PRDM10: variants seen among roughly 807,000 people sequenced by gnomAD.
PRDM10 encodes PR/SET domain 10.
In PRDM10, 65 loss-of-function variants were observed where a neutral mutation model predicts 133.1. The observed-to-expected ratio is 0.49, with a 90% confidence interval of 0.40 to 0.60. The LOEUF is 0.60. Ranked by LOEUF, PRDM10 falls within the 20% of genes least tolerant of loss-of-function variation. PRDM10 has a pLI of 0.00. For missense variants in PRDM10, 1,137 were observed against 1,507.1 expected, an observed-to-expected ratio of 0.75 and a Z score of 4.07; for synonymous variants, 582 against 580.4, an observed-to-expected ratio of 1.00 and a Z score of -0.04.
intron 11 of PRDM10, among the ~76,000 whole-genome samples, chr11:129,925,604 C>T (rs1428425130): frequency 1.3e-5 from 2 of 152,128 alleles, no homozygotes; most frequent in Non-Finnish European, 2.9e-5. Flanking sequence ...GGTTAAGTCA[C>T]ACATGCAGGA....
chr11:129,905,027 G>A, intron 20 of PRDM10, among the ~76,000 whole-genome samples: 1 of 152,100 alleles, frequency 6.6e-6, no homozygotes, highest in East Asian at 1.9e-4. Context: ...CCAGTTGAGG[G>A]CCAATTGTCT....
At chr11:129,905,422 A>T (rs1357989952) in intron 20 of PRDM10, among the ~76,000 whole-genome samples, 1 of 151,610 alleles carries the variant, frequency 6.6e-6, no homozygotes, top group African/African-American at 2.4e-5. Flanking sequence ...ACAGTTATTA[A>T]TTGAACAGAT....
chr11:129,921,033 G>T (rs1227250212), intron 13 of PRDM10, among the ~76,000 whole-genome samples: 2 of 152,136 alleles, frequency 1.3e-5, no homozygotes, highest in African/African-American at 2.4e-5. Context: ...CCAACCTCAG[G>T]TGATCTGCCC....
intron 19 of PRDM10, 34 bp downstream of exon 19, chr11:129,910,442 C>T: frequency 6.2e-7 from 1 of 1,612,528 alleles, no homozygotes; most frequent in Non-Finnish European, 8.5e-7. Context: ...ATCCCCCACC[C>T]CTGACCGACA....
rs917436627 is a variant in PRDM10 at position 129,960,818 on chromosome 11, G to C, written c.69+78C>G. ...AACGACTAGTCACTACTAGATAGCAGCTGTATTTCTTTGCTGTCAGCAAAC... is the reference window on the plus strand; with the variant it reads ...AACGACTAGTCACTACTAGATAGCACCTGTATTTCTTTGCTGTCAGCAAAC... On this transcript the variant is annotated intron_variant, in intron 2 of 20. Transcript: ENST00000360871. 35 of 1,439,702 alleles carry C rather than the reference G, an allele frequency of 2.4e-5. No individual in the cohort carries two copies. In the Admixed American group the frequency reaches 5.7e-4, roughly 24 times the overall value. 89.2% of individuals were successfully genotyped at this position (1,439,702 alleles called of 1,614,324 possible). A position where few individuals can be genotyped will look rare whatever the true frequency, so the allele number is the denominator to read the frequency against.
At chr11:129,983,484 G>A (rs1156835224) in intron 1 of PRDM10, among the ~76,000 whole-genome samples, 3 of 151,970 alleles carry the variant, frequency 2.0e-5, no homozygotes, top group African/African-American at 7.3e-5. Flanking sequence ...ATTTTTAGTA[G>A]AGACAGGGTT....
chr11:129,946,108 G>A (rs1429527728), intron 5 of PRDM10, among the ~76,000 whole-genome samples: 1 of 151,956 alleles, frequency 6.6e-6, no homozygotes, highest in African/African-American at 2.4e-5. Context: ...GCTGGGCGTG[G>A]TGGTGCACAT....
At chr11:129,964,230 G>A (rs1331736802) in intron 1 of PRDM10, among the ~76,000 whole-genome samples, 1 of 152,116 alleles carries the variant, frequency 6.6e-6, no homozygotes, top group Admixed American at 6.5e-5. Context: ...TACAGCCCAT[G>A]CCCTCACAAA....
intron 7 of PRDM10, 124 bp downstream of exon 7, chr11:129,942,302 C>G (rs891768029): frequency 1.3e-4 from 115 of 865,760 alleles, no homozygotes; most frequent in Non-Finnish European, 1.9e-4. Flanking sequence ...ATGTGAATAA[C>G]CAGAAAATGA....
intron 1 of PRDM10, among the ~76,000 whole-genome samples, chr11:129,992,126 G>A (rs771470483): frequency 3.9e-5 from 6 of 152,160 alleles, no homozygotes; most frequent in Non-Finnish European, 8.8e-5. Flanking sequence ...CCTACAACAT[G>A]TTAGCTTCAT....
chr11:129,969,599 G>T (rs1021840896), intron 1 of PRDM10, among the ~76,000 whole-genome samples: 13 of 149,614 alleles, frequency 8.7e-5, no homozygotes, highest in Non-Finnish European at 1.3e-4. Context: ...TTCGAGACCA[G>T]CCTGGCCAAC....
chr11:129,978,401 CTA>C (rs1937907995), intron 1 of PRDM10, among the ~76,000 whole-genome samples: 1 of 152,184 alleles, frequency 6.6e-6, no homozygotes, highest in South Asian at 2.1e-4. Flanking sequence ...TGAGACTGAG[CTA>C]TGTGTTACAG....
At chr11:129,934,105 G>A (rs1950954891) in intron 9 of PRDM10, among the ~76,000 whole-genome samples, 1 of 152,144 alleles carries the variant, frequency 6.6e-6, no homozygotes, top group Admixed American at 6.6e-5. Flanking sequence ...CCATCCCATG[G>A]CTGCTCTGTT....
intron 1 of PRDM10, among the ~76,000 whole-genome samples, chr11:129,987,742 T>C (rs1218733903): frequency 6.6e-6 from 1 of 152,256 alleles, no homozygotes; most frequent in Non-Finnish European, 1.5e-5. Context: ...GGCTCACGCC[T>C]GTAATCCCAG....
rs1442824522 is a variant in PRDM10, at chr11:129,932,289, TA to T, written c.1158-59del. 6 of 1,583,608 alleles carry T rather than the reference TA, an allele frequency of 3.8e-6. No individual in the cohort carries two copies. The Admixed American group carries it at 1.0e-4, about 27-fold the overall frequency. On this transcript the variant is annotated intron_variant, in intron 9 of 20. Coordinates refer to ENST00000360871, the MANE Select transcript of PRDM10 (RefSeq NM_199437.2). ...TGGTTACATAATACTCCATAACAAG[TA>T]GCGACCTAAATGATCCTTACTAACC...
intron 13 of PRDM10, among the ~76,000 whole-genome samples, chr11:129,920,228 G>A (rs935768809): frequency 1.3e-5 from 2 of 152,146 alleles, no homozygotes; most frequent in Non-Finnish European, 2.9e-5. Flanking sequence ...ACCATGCTAT[G>A]CACATCGTGA....
intron 1 of PRDM10, among the ~76,000 whole-genome samples, chr11:130,000,786 G>A (rs1939312215): frequency 6.6e-6 from 1 of 152,166 alleles, no homozygotes. Context: ...TTCATTCTGT[G>A]TCAACTTCAC....
intron 20 of PRDM10, among the ~76,000 whole-genome samples, chr11:129,904,957 G>A (rs567251607): frequency 2.0e-5 from 3 of 152,252 alleles, no homozygotes; most frequent in African/African-American, 7.2e-5. Context: ...TTTCACTTTC[G>A]GGTGGATGAA....
Position 129,911,342 on chromosome 11 carries a change from G to A in PRDM10, c.2983-686C>T, listed in dbSNP as rs2464509. On this transcript the variant is annotated intron_variant, in intron 18 of 20. Transcript: ENST00000360871. ...AATGAAATGAAACCCAAAGTTCATC[G>A]TTTCCATTCACCAGTACTGGCAAAT... 4.2e-3 allele frequency among the ~76,000 whole-genome samples: 635 copies of A among 152,268 alleles called. 24 individuals carry two copies. The East Asian group carries it at 0.089, about 21-fold the overall frequency.
Sources: gnomAD v4.1 joint callset for allele counts (sites outside exome capture counted in the v4.1 genomes callset) on GRCh38, gnomAD v4.1.1 for gene constraint, MANE v1.5 for transcripts, NCBI Gene and HGNC (gene_info 2026-07-23, HGNC 2026-07-21) for gene names.